DUSP22: variants seen among roughly 807,000 people sequenced by gnomAD.
DUSP22 encodes dual specificity phosphatase 22.
In DUSP22, 24 loss-of-function variants were observed where a neutral mutation model predicts 24.5. The ratio of observed to expected loss-of-function variants is 0.98; its 90% CI spans 0.71 to 1.38. The LOEUF is 1.38. Ranked by LOEUF, DUSP22 falls within the 40% of genes most tolerant of loss-of-function variation. The probability of loss-of-function intolerance (pLI) is 0.00; values close to 1 mark genes in which losing one functional copy is unlikely to be tolerated. For missense variants in DUSP22, 330 were observed against 269.2 expected (o/e 1.23, Z -1.58); for synonymous variants, 160 against 106.4 (o/e 1.50, Z -3.10).
At position 316,405 on chromosome 6, in the gene DUSP22, C is replaced by T. The variant is rs566502442; in HGVS notation, c.138+4443C>T. Among the ~76,000 whole-genome samples, 18 of 152,416 alleles carry T rather than the reference C, an allele frequency of 1.2e-4. No homozygotes were observed. In the East Asian group the frequency reaches 1.5e-3, roughly 13 times the overall value. On this transcript the variant is annotated intron_variant, in intron 3 of 6. Transcript: ENST00000419235. ...AAGAGGAAAAAGCAAAATCCTCCTTCGCCTGTTTCTGTGCTCAGGACTTTG... is the reference window on the plus strand; with the variant it reads ...AAGAGGAAAAAGCAAAATCCTCCTTTGCCTGTTTCTGTGCTCAGGACTTTG...
chr6:349,622 G>A lies in DUSP22; in HGVS notation c.*671G>A, dbSNP rs1760087336. 1 of 987,146 alleles carries A rather than the reference G, an allele frequency of 1.0e-6. No individual in the cohort carries two copies. The highest frequency in any genetic ancestry group is 1.7e-5 in the African/African-American group (1 of 57,300). 61.1% of individuals were successfully genotyped at this position (987,146 alleles called of 1,614,324 possible). ...AGAGGGAGGGTGGCTCTGGGGCCCT[G>A]GAAAACGTGAGAGACTGCCCTGAGC... is the stretch of plus-strand genomic sequence containing the variant. On this transcript the variant is annotated 3_prime_UTR_variant, in exon 7 of 7. Coordinates refer to ENST00000419235, the MANE Select transcript of DUSP22 (RefSeq NM_001286555.3).
Position 348,913 on chromosome 6 carries a change from G to T in DUSP22, c.580G>T (p.Ala194Ser), listed in dbSNP as rs770544848. The change falls in exon 7 of 7, where the codon GCT (alanine) becomes TCT (serine). Residue 194 changes from alanine (A) to serine (S), a missense_variant. Transcript: ENST00000419235. Reference sequence around the variant, plus strand: ...GCGGTGGAGCAGTTTTCCGGCACTGGCTCCGCTGACCTACGATAATTATAC... The same window carrying T: ...GCGGTGGAGCAGTTTTCCGGCACTGTCTCCGCTGACCTACGATAATTATAC... The part of the protein sequence containing the change: ...ARRWSSFPAL[A>S]PLTYDNYTTE... 1 of 1,612,692 alleles carries T rather than the reference G, an allele frequency of 6.2e-7. No homozygotes were observed. Among genetic ancestry groups the T allele is most frequent in the Non-Finnish European group, 8.5e-7 (1 of 1,179,206 alleles).
intron 4 of DUSP22, among the ~76,000 whole-genome samples, chr6:335,957 C>T (rs1329356178): frequency 5.9e-5 from 9 of 152,298 alleles, no homozygotes. Context: ...CATAATTGTT[C>T]CCTTTTCCAT....
chr6:298,579 T>C (rs535750825), intron 1 of DUSP22, among the ~76,000 whole-genome samples: 1 of 152,300 alleles, frequency 6.6e-6, no homozygotes, highest in South Asian at 2.1e-4. Flanking sequence ...TGGCTGAGGA[T>C]TTGTGTTTTT....
At chr6:341,979 G>A (rs994278527) in intron 4 of DUSP22, among the ~76,000 whole-genome samples, 4 of 152,296 alleles carry the variant, frequency 2.6e-5, no homozygotes, top group Non-Finnish European at 5.9e-5. Flanking sequence ...TAAGAAGCCC[G>A]GTTTCATTGT....
chr6:304,914 C>G (rs1757753314), intron 2 of DUSP22, among the ~76,000 whole-genome samples: 1 of 152,410 alleles, frequency 6.6e-6, no homozygotes. Context: ...AATCTCACAA[C>G]TATCGGAGCC....
At chr6:307,187 G>A (rs1167676525) in intron 2 of DUSP22, among the ~76,000 whole-genome samples, 2 of 152,294 alleles carry the variant, frequency 1.3e-5, no homozygotes, top group African/African-American at 2.4e-5. Context: ...TTAAAATTAC[G>A]AGTAATATGT....
chr6:309,901 A>G (rs911328939), intron 2 of DUSP22, among the ~76,000 whole-genome samples: 7 of 152,410 alleles, frequency 4.6e-5, no homozygotes, highest in Admixed American at 4.6e-4. Context: ...ATGCCATGAA[A>G]TAGTCTCCAG....
In DUSP22 at chr6:349,584, G is replaced by T. The variant is rs899632733; in HGVS notation, c.*633G>T. ...GGGTGGTGTGGTGGGGGCAACAGGG[G>T]CCAGACTCCTCTAGAGGGAGGGTGG... On this transcript the variant is annotated 3_prime_UTR_variant, in exon 7 of 7. Coordinates refer to ENST00000419235, the MANE Select transcript of DUSP22 (RefSeq NM_001286555.3). 34 of 988,850 alleles carry T rather than the reference G, an allele frequency of 3.4e-5. No homozygotes were observed. The highest frequency in any genetic ancestry group is 4.0e-5 in the Non-Finnish European group (33 of 832,554). The allele number at this position is 988,850 out of a possible 1,614,324, so 61.3% of individuals were successfully genotyped here. A position where few individuals can be genotyped will look rare whatever the true frequency, so the allele number is the denominator to read the frequency against.
At chr6:307,590 G>A (rs1347002829) in intron 2 of DUSP22, among the ~76,000 whole-genome samples, 2 of 152,300 alleles carry the variant, frequency 1.3e-5, no homozygotes, top group African/African-American at 4.8e-5. Context: ...CAGGAGGGAA[G>A]GCAGGGAGTG....
intron 1 of DUSP22, among the ~76,000 whole-genome samples, chr6:295,280 C>T (rs1409143591): frequency 6.6e-6 from 1 of 152,288 alleles, no homozygotes; most frequent in African/African-American, 2.4e-5. Context: ...CATTTCTGGT[C>T]TAAACAGTGC....
intron 1 of DUSP22, among the ~76,000 whole-genome samples, chr6:296,976 T>A (rs1757363824): frequency 6.6e-6 from 1 of 152,310 alleles, no homozygotes; most frequent in African/African-American, 2.4e-5. Flanking sequence ...GCCATCCCTG[T>A]CCTTCTCGGG....
chr6:349,562 T>G lies in DUSP22; in HGVS notation c.*611T>G. 5.1e-6 allele frequency: 5 copies of G among 989,114 alleles called. No individual in the cohort carries two copies. The highest frequency in any genetic ancestry group is 6.0e-6 in the Non-Finnish European group (5 of 832,728). The allele number at this position is 989,114 out of a possible 1,614,324, so 61.3% of individuals were successfully genotyped here. ...GGCCTCTCCCAGAACCCACCCAGGG[T>G]GGTGTGGTGGGGGCAACAGGGGCCA... On this transcript the variant is annotated 3_prime_UTR_variant, in exon 7 of 7. Transcript: ENST00000419235.
rs1760054073 is a variant in DUSP22, at chr6:349,232, T to G, written c.*281T>G. ...GCGTGTGTGTGAGTGCACTTGTGTG[T>G]GGGTGACTAAGTGGATGCATGTGTG... On this transcript the variant is annotated 3_prime_UTR_variant, in exon 7 of 7. Coordinates refer to ENST00000419235, the MANE Select transcript of DUSP22 (RefSeq NM_001286555.3). 1.5e-6 allele frequency: 2 copies of G among 1,373,900 alleles called. No homozygotes were observed. The highest frequency in any genetic ancestry group is 1.9e-6 in the Non-Finnish European group (2 of 1,062,572). 85.1% of individuals were successfully genotyped at this position (1,373,900 alleles called of 1,614,324 possible).
At chr6:319,599 G>A (rs1758497754) in intron 3 of DUSP22, among the ~76,000 whole-genome samples, 1 of 152,290 alleles carries the variant, frequency 6.6e-6, no homozygotes, top group Non-Finnish European at 1.5e-5. Context: ...TGAAGCACTG[G>A]GCAAGATTTC....
At chr6:300,259 G>A (rs1196124545) in intron 1 of DUSP22, among the ~76,000 whole-genome samples, 1 of 152,310 alleles carries the variant, frequency 6.6e-6, no homozygotes, top group African/African-American at 2.4e-5. Context: ...TTCCTTAGAT[G>A]TGGGTGAGAT....
At chr6:307,873 G>C (rs992318285) in intron 2 of DUSP22, among the ~76,000 whole-genome samples, 1 of 152,304 alleles carries the variant, frequency 6.6e-6, no homozygotes, top group East Asian at 1.9e-4. Context: ...GACAAGGCCA[G>C]CCTGGTCAGA....
intron 3 of DUSP22, among the ~76,000 whole-genome samples, chr6:331,181 A>T (rs538478687): frequency 6.1e-4 from 93 of 152,392 alleles, no homozygotes; most frequent in Middle Eastern, 6.8e-3. Flanking sequence ...TAATAGCCTC[A>T]TAAAACTGTG....
chr6:299,155 T>C (rs931651092), intron 1 of DUSP22, among the ~76,000 whole-genome samples: 3 of 152,302 alleles, frequency 2.0e-5, no homozygotes, highest in Non-Finnish European at 2.9e-5. Context: ...GGCTTTTTTT[T>C]CCAACTTGTC....
Sources: allele counts gnomAD v4.1 joint callset (sites outside exome capture counted in the v4.1 genomes callset), GRCh38; gene constraint gnomAD v4.1.1; transcripts MANE v1.5; gene names NCBI Gene and HGNC (gene_info 2026-07-23, HGNC 2026-07-21).